ZMYM4: variants seen among roughly 807,000 people sequenced by gnomAD.
ZMYM4 encodes the protein zinc finger MYM-type protein 4.
In ZMYM4, 31 loss-of-function variants were observed where a neutral mutation model predicts 183.2. That is an observed-to-expected ratio of 0.17 (90% CI 0.13 to 0.23). ZMYM4 has a LOEUF of 0.23. ZMYM4 is among the 10% of genes least tolerant of loss of function. The pLI, the probability that ZMYM4 is intolerant of heterozygous loss-of-function variation, is 1.00. For synonymous variants in ZMYM4, 592 were observed against 631.2 expected (o/e 0.94, Z 0.93); for missense variants, 1,273 against 1,840.3 (o/e 0.69, Z 5.64).
At chr1:35,372,132 A>G (rs1483259512) in intron 7 of ZMYM4, among the ~76,000 whole-genome samples, 3 of 152,222 alleles carry the variant, frequency 2.0e-5, no homozygotes, top group African/African-American at 7.2e-5. Context: ...TATATTGATT[A>G]AAGTGCAGAT....
intron 1 of ZMYM4, among the ~76,000 whole-genome samples, chr1:35,304,431 C>A (rs1184500197): frequency 6.6e-6 from 1 of 150,742 alleles, no homozygotes; most frequent in Non-Finnish European, 1.5e-5. Context: ...AATGTATTTT[C>A]TATTATTTCA....
At chr1:35,413,411 A>C (rs1157072187) in intron 26 of ZMYM4, among the ~76,000 whole-genome samples, 2 of 152,214 alleles carry the variant, frequency 1.3e-5, no homozygotes, top group East Asian at 3.8e-4. Context: ...AACATAGTTC[A>C]ATGTCCTATA....
intron 5 of ZMYM4, among the ~76,000 whole-genome samples, chr1:35,369,819 C>G (rs998017410): frequency 7.2e-5 from 11 of 151,800 alleles, no homozygotes; most frequent in Admixed American, 1.3e-4. Context: ...TAGATACTTT[C>G]ATTTTTTTCT....
chr1:35,364,968 C>G (rs1006386268), intron 5 of ZMYM4, among the ~76,000 whole-genome samples: 1 of 152,162 alleles, frequency 6.6e-6, no homozygotes, highest in Admixed American at 6.5e-5. Context: ...CGTCCTCCTG[C>G]CTCTATTACT....
chr1:35,274,245 A>G (rs192602199), intron 1 of ZMYM4, among the ~76,000 whole-genome samples: 2 of 152,336 alleles, frequency 1.3e-5, no homozygotes, highest in African/African-American at 4.8e-5. Flanking sequence ...GGCCATTCAA[A>G]TACAGTGATT....
At chr1:35,293,835 C>T (rs766508860) in intron 1 of ZMYM4, among the ~76,000 whole-genome samples, 14 of 152,100 alleles carry the variant, frequency 9.2e-5, no homozygotes, top group Non-Finnish European at 2.1e-4. Flanking sequence ...TTTTAGCCTT[C>T]CATTCTGTGG....
chr1:35,380,368 C>G (rs1644428992), intron 7 of ZMYM4, among the ~76,000 whole-genome samples: 1 of 151,980 alleles, frequency 6.6e-6, no homozygotes, highest in Non-Finnish European at 1.5e-5. Context: ...CGCTCTGTCG[C>G]CCATGCTGGA....
chr1:35,410,036 G>A (rs7511826), intron 26 of ZMYM4, among the ~76,000 whole-genome samples: 9,708 of 152,132 alleles, frequency 0.064, 919 homozygotes, highest in East Asian at 0.44. Context: ...AGCGCTTCAG[G>A]AAGCTTCCAA....
At chr1:35,348,826 A>G (rs1643491620) in intron 2 of ZMYM4, among the ~76,000 whole-genome samples, 3 of 152,326 alleles carry the variant, frequency 2.0e-5, no homozygotes, top group African/African-American at 7.2e-5. Context: ...CACTAGTGAA[A>G]TGTTACTTTG....
chr1:35,299,910 G>A (rs568343103), intron 1 of ZMYM4, among the ~76,000 whole-genome samples: 3 of 151,578 alleles, frequency 2.0e-5, no homozygotes, highest in East Asian at 1.9e-4. Flanking sequence ...TTCTCCTGCC[G>A]CAGCCTACAG....
chr1:35,378,613 A>G (rs979053960), intron 7 of ZMYM4, among the ~76,000 whole-genome samples: 1 of 152,094 alleles, frequency 6.6e-6, no homozygotes, highest in Non-Finnish European at 1.5e-5. Flanking sequence ...TGAAAGTTAA[A>G]AGTAGAAGCT....
At chr1:35,375,186 C>A (rs188837972) in intron 7 of ZMYM4, among the ~76,000 whole-genome samples, 4 of 152,190 alleles carry the variant, frequency 2.6e-5, no homozygotes, top group Non-Finnish European at 5.9e-5. Context: ...ATAATACTTA[C>A]TTTTTGCTTC....
chr1:35,370,675 A>G, intron 7 of ZMYM4, 48 bp downstream of exon 7: 1 of 1,515,086 alleles, frequency 6.6e-7, no homozygotes, highest in Non-Finnish European at 8.9e-7. Context: ...CCTTTCTCTT[A>G]ACATACTTTG....
intron 7 of ZMYM4, among the ~76,000 whole-genome samples, chr1:35,371,813 A>T (rs1252020961): frequency 2.0e-5 from 3 of 152,308 alleles, no homozygotes; most frequent in African/African-American, 7.2e-5. Flanking sequence ...TGATATGCAC[A>T]TCGTTTATGC....
At chr1:35,321,267 T>G (rs1642270590) in intron 1 of ZMYM4, among the ~76,000 whole-genome samples, 1 of 152,032 alleles carries the variant, frequency 6.6e-6, no homozygotes, top group Non-Finnish European at 1.5e-5. Context: ...GGAAGTTGGG[T>G]GTGTGTGGGT....
At chr1:35,384,183 C>T (rs1644524419) in intron 9 of ZMYM4, among the ~76,000 whole-genome samples, 1 of 152,116 alleles carries the variant, frequency 6.6e-6, no homozygotes, top group African/African-American at 2.4e-5. Context: ...GCATAGTGAG[C>T]TCTACTTGAT....
Position 35,366,971 on chromosome 1 carries a change from C to T in ZMYM4, c.841-3058C>T, listed in dbSNP as rs115811625. Among the ~76,000 whole-genome samples the T allele has an allele frequency of 5.6e-3, 848 of 151,150 alleles. 8 individuals are homozygous for T. Among genetic ancestry groups the T allele is most frequent in the Middle Eastern group, 0.021 (6 of 292 alleles). On this transcript the variant is annotated intron_variant, in intron 5 of 29. Transcript: ENST00000314607. ...CCTGGGAGGTGGAGGTTGCAGTGAG[C>T]CAAGATCGCACCATCGTGCCCCAGC...
At chr1:35,291,337 G>T (rs184795792) in intron 1 of ZMYM4, among the ~76,000 whole-genome samples, 14 of 151,838 alleles carry the variant, frequency 9.2e-5, no homozygotes, top group Admixed American at 4.6e-4. Context: ...TGCCTAGGCT[G>T]GTCTCATATT....
chr1:35,269,027 G>A lies in ZMYM4; in HGVS notation c.-20G>A. 6.5e-7 allele frequency: 1 copy of A among 1,533,944 alleles called. No homozygotes were observed. The highest frequency in any genetic ancestry group is 8.8e-7 in the Non-Finnish European group (1 of 1,140,360). ...CCGCCACCGCGCGGGGAGCCGCAGC[G>A]GTTCCGAGCGGGGCCCAACATGGCG... On this transcript the variant is annotated 5_prime_UTR_variant, in exon 1 of 30. Coordinates refer to ENST00000314607, the MANE Select transcript of ZMYM4 (RefSeq NM_005095.3).
Sources: allele counts gnomAD v4.1 joint callset (sites outside exome capture counted in the v4.1 genomes callset), GRCh38; gene constraint gnomAD v4.1.1; transcripts MANE v1.5; gene names NCBI Gene and HGNC (gene_info 2026-07-23, HGNC 2026-07-21).